The following SYN3 variants were observed in gnomAD, a reference collection of about 807,000 sequenced individuals.
The protein encoded by SYN3 is synapsin III.
A neutral mutation model predicts 65.8 loss-of-function variants in SYN3; 35 were observed. The ratio of observed to expected loss-of-function variants is 0.53; its 90% confidence interval spans 0.41 to 0.70. The LOEUF (loss-of-function observed/expected upper bound fraction) is 0.70. Among genes scored for constraint, SYN3 ranks in the 30% least tolerant of loss-of-function variants. The pLI, the probability that SYN3 is intolerant of heterozygous loss-of-function variation, is 0.00. For synonymous variants in SYN3, 270 were observed against 292.9 expected (o/e 0.92, Z 0.80); for missense variants, 680 against 749.0 (o/e 0.91, Z 1.08).
At chr22:32,735,316 T>C (rs533985236) in intron 6 of SYN3, among the ~76,000 whole-genome samples, 26 of 152,328 alleles carry the variant, frequency 1.7e-4, no homozygotes, top group African/African-American at 5.5e-4. Flanking sequence ...GGCACCTACA[T>C]GACAGGGTAG....
At chr22:32,715,778 CAAAAAAAAAAAAAAA>C (rs765122891) in intron 6 of SYN3, among the ~76,000 whole-genome samples, 4 of 67,616 alleles carry the variant, frequency 5.9e-5, no homozygotes, top group African/African-American at 2.3e-4. Flanking sequence ...GACTCTGTCT[CAAAAAAAAAAAAAAA>C]AAAAAAAAGT....
chr22:32,849,179 G>A (rs1373772915), intron 6 of SYN3, among the ~76,000 whole-genome samples: 12 of 152,166 alleles, frequency 7.9e-5, no homozygotes, highest in East Asian at 1.9e-4. Context: ...CCTCAGGGTC[G>A]GCGGGGGTTG....
chr22:32,759,332 T>C (rs1021607476), intron 6 of SYN3, among the ~76,000 whole-genome samples: 12 of 152,144 alleles, frequency 7.9e-5, no homozygotes, highest in African/African-American at 2.9e-4. Context: ...GGTCACACCA[T>C]GGGGCTCTTG....
At chr22:32,982,762 T>A (rs761052986) in intron 2 of SYN3, among the ~76,000 whole-genome samples, 15 of 152,184 alleles carry the variant, frequency 9.9e-5, no homozygotes, top group Non-Finnish European at 1.8e-4. Flanking sequence ...CATGAGTGAA[T>A]GGACTGATGA....
Position 33,006,598 on chromosome 22 carries a change from A to C in SYN3, c.65T>G (p.Met22Arg), listed in dbSNP as rs1569399495. The change falls in exon 2 of 14, where the codon ATG (methionine) becomes AGG (arginine). Residue 22 changes from methionine (M) to arginine (R), a missense_variant. Coordinates refer to ENST00000358763, the MANE Select transcript of SYN3 (RefSeq NM_003490.4). The part of the protein sequence containing the change: ...SFMANLPNGY[M>R]TDLQRPDSST... ...GCTATCTGGGCGTTGCAGGTCCGTC[A>C]TATAGCCATTAGGCAGGTTGGCCAT... 2 of 1,612,794 alleles carry C rather than the reference A, an allele frequency of 1.2e-6. No individual in the cohort carries two copies. The highest frequency in any genetic ancestry group is 2.2e-5 in the South Asian group (2 of 90,926).
At chr22:32,937,314 C>G (rs771715410) in intron 3 of SYN3, among the ~76,000 whole-genome samples, 5 of 152,058 alleles carry the variant, frequency 3.3e-5, no homozygotes, top group Non-Finnish European at 5.9e-5. Flanking sequence ...ATTATAATAT[C>G]TGAAATAGAA....
intron 7 of SYN3, among the ~76,000 whole-genome samples, chr22:32,593,865 G>C (rs1454596529): frequency 1.3e-5 from 2 of 152,126 alleles, no homozygotes; most frequent in East Asian, 3.9e-4. Flanking sequence ...GATGATGCAG[G>C]AAGAAAAGTT....
intron 5 of SYN3, 129 bp from the exon 6 acceptor site, chr22:32,865,133 C>A: frequency 1.4e-6 from 1 of 697,450 alleles, no homozygotes; most frequent in Non-Finnish European, 2.6e-6. Context: ...TCCTACCCTG[C>A]CTATAGGATA....
At chr22:33,013,906 TC>T (rs2053408326) in intron 1 of SYN3, among the ~76,000 whole-genome samples, 1 of 151,788 alleles carries the variant, frequency 6.6e-6, no homozygotes, top group Non-Finnish European at 1.5e-5. Flanking sequence ...AATTTTCCCC[TC>T]CTTTTTTTTT....
At position 32,780,081 on chromosome 22, in the gene SYN3, AGAG is replaced by A; in HGVS notation, c.711+84831_711+84833del. ...GAGATTCTGTCTCAAAAAAAAAAAGAGAGAGAAAAAAAGAGAAAAAAAACAGAA... is the reference window on the plus strand; with the variant it reads ...GAGATTCTGTCTCAAAAAAAAAAAGAAGAAAAAAAGAGAAAAAAAACAGAA... On this transcript the variant is annotated intron_variant, in intron 6 of 13. Coordinates refer to ENST00000358763, the MANE Select transcript of SYN3 (RefSeq NM_003490.4). Among the ~76,000 whole-genome samples the A allele has an allele frequency of 4.0e-4, 3 of 7,518 alleles. No homozygotes were observed. The Admixed American group carries it at 6.2e-3, about 16-fold the overall frequency. The allele number at this position is 7,518 out of a possible 152,430, so 4.9% of individuals were successfully genotyped here.
intron 9 of SYN3, among the ~76,000 whole-genome samples, chr22:32,534,231 G>C (rs2058125115): frequency 1.3e-5 from 2 of 152,156 alleles, no homozygotes; most frequent in African/African-American, 4.8e-5. Flanking sequence ...CCCGACCCCA[G>C]GACTTGCTGG....
chr22:32,569,447 C>CTATCT (rs1555898525), intron 7 of SYN3, among the ~76,000 whole-genome samples: 1 of 146,006 alleles, frequency 6.8e-6, no homozygotes, highest in South Asian at 2.2e-4. Context: ...ATCTATCTAT[C>CTATCT]TTCTCTATCT....
intron 6 of SYN3, among the ~76,000 whole-genome samples, chr22:32,643,846 C>T (rs915974534): frequency 5.9e-5 from 9 of 151,832 alleles, no homozygotes; most frequent in African/African-American, 1.4e-4. Flanking sequence ...AATCCCAACA[C>T]TTTGGGAGGC....
rs2060321503 is a variant in SYN3 at position 32,668,526 on chromosome 22, TCTCCTTCTCCTTCCCCTCTTCCTTCCTC to T, written c.712-71818_712-71791del. Reference sequence around the variant, plus strand: ...TTCACTCCTTTCCTTCCTTTCTCCTTCTCCTTCTCCTTCCCCTCTTCCTTCCTCCTCCTTCCTCCACTCCTGCCTTCCC... The same window carrying T: ...TTCACTCCTTTCCTTCCTTTCTCCTTCTCCTTCCTCCACTCCTGCCTTCCC... On this transcript the variant is annotated intron_variant, in intron 6 of 13. Transcript: ENST00000358763. 2.6e-5 allele frequency among the ~76,000 whole-genome samples: 4 copies of T among 152,106 alleles called. No individual in the cohort carries two copies. In the South Asian group the frequency reaches 8.3e-4, roughly 32 times the overall value.
chr22:32,933,231 C>T (rs1204398850), intron 3 of SYN3, among the ~76,000 whole-genome samples: 1 of 152,186 alleles, frequency 6.6e-6, no homozygotes, highest in East Asian at 1.9e-4. Context: ...TAAACATAAC[C>T]ACTCACATGT....
chr22:33,006,568 G>A lies in SYN3; in HGVS notation c.95C>T (p.Thr32Ile). ...CATGGCGGGGGAAGCAGGTGAGCTG[G>A]TGGAGCTATCTGGGCGTTGCAGGTC... ...MTDLQRPDSSTSSPASPAMER... is the reference protein window; with the variant it reads ...MTDLQRPDSSISSPASPAMER... The change falls in exon 2 of 14, where the codon ACC becomes ATC. Residue 32 changes from threonine to isoleucine, a missense_variant. Transcript: ENST00000358763. 6.2e-7 allele frequency: 1 copy of A among 1,614,204 alleles called. No individual in the cohort carries two copies. Among genetic ancestry groups the A allele is most frequent in the Non-Finnish European group, 8.5e-7 (1 of 1,180,036 alleles).
chr22:32,598,491 T>A lies in SYN3; in HGVS notation c.712-1755A>T, dbSNP rs1424924823. Among the ~76,000 whole-genome samples, 16 of 140,938 alleles carry A rather than the reference T, an allele frequency of 1.1e-4. 1 individual carries two copies. The highest frequency in any genetic ancestry group is 3.6e-3 in the Middle Eastern group (1 of 280). 92.5% of individuals were successfully genotyped at this position (140,938 alleles called of 152,430 possible). A position where few individuals can be genotyped will look rare whatever the true frequency, so the allele number is the denominator to read the frequency against. On this transcript the variant is annotated intron_variant, in intron 6 of 13. Transcript: ENST00000358763. ...AGAGTGGCCTGCAGTAGACTTTAAA[T>A]AATATTTTTTTTGAGACAGAGTCTC...
chr22:32,513,738 G>A lies in SYN3; in HGVS notation c.1697C>T (p.Thr566Ile). Residue 566 changes from threonine to isoleucine, a missense_variant, in exon 14 of 14, where the codon ACC becomes ATC. Coordinates refer to ENST00000358763, the MANE Select transcript of SYN3 (RefSeq NM_003490.4). ...TPSEDEAKAE[T>I]IRNLRKSFAS... ...AAAAGACTTCCTCAGGTTGCGGATG[G>A]TTTCAGCCTTGGCCTCGTCTTCACT... 1 of 1,614,226 alleles carries A rather than the reference G, an allele frequency of 6.2e-7. No individual in the cohort carries two copies. The highest frequency in any genetic ancestry group is 8.5e-7 in the Non-Finnish European group (1 of 1,180,044).
At chr22:32,737,749 C>A (rs2147372570) in intron 6 of SYN3, among the ~76,000 whole-genome samples, 1 of 152,306 alleles carries the variant, frequency 6.6e-6, no homozygotes, top group African/African-American at 2.4e-5. Context: ...TCTCCCAGTG[C>A]TCCTCTCCAC....
Sources: gnomAD v4.1 joint callset for allele counts (sites outside exome capture counted in the v4.1 genomes callset) on GRCh38, gnomAD v4.1.1 for gene constraint, MANE v1.5 for transcripts, NCBI Gene and HGNC (gene_info 2026-07-23, HGNC 2026-07-21) for gene names.